Variants in CTNNA2 observed in about 807,000 individuals in gnomAD.
The protein encoded by CTNNA2 is catenin alpha 2.
CTNNA2 carries 42 observed loss-of-function variants against 101.0 expected under a neutral mutation model. The observed-to-expected ratio is 0.42, with a 90% CI of 0.32 to 0.54. The LOEUF is 0.54. CTNNA2 is among the 20% of genes least tolerant of loss of function. CTNNA2 has a pLI of 0.14. For synonymous variants in CTNNA2, 450 were observed against 456.4 expected (o/e 0.99, Z 0.18); for missense variants, 871 against 1,223.1 (o/e 0.71, Z 4.29).
At chr2:79,898,053 T>C (rs1421430850) in intron 6 of CTNNA2, among the ~76,000 whole-genome samples, 1 of 152,226 alleles carries the variant, frequency 6.6e-6, no homozygotes, top group African/African-American at 2.4e-5. Context: ...AGGTGACACA[T>C]GTAAACCATA....
At chr2:79,186,661 C>G (rs1433893960) in intron 1 of CTNNA2, among the ~76,000 whole-genome samples, 1 of 152,210 alleles carries the variant, frequency 6.6e-6, no homozygotes, top group Admixed American at 6.5e-5. Context: ...CTCTGCACCT[C>G]TCCCTGCTTC....
chr2:80,138,350 T>C (rs796684535), intron 7 of CTNNA2, among the ~76,000 whole-genome samples: 9 of 152,318 alleles, frequency 5.9e-5, no homozygotes, highest in African/African-American at 2.2e-4. Context: ...ATGTTGATCT[T>C]AGGCTAGTTA....
At chr2:80,625,971 C>G (rs1671643082) in intron 18 of CTNNA2, among the ~76,000 whole-genome samples, 1 of 151,978 alleles carries the variant, frequency 6.6e-6, no homozygotes, top group African/African-American at 2.4e-5. Flanking sequence ...TAGAAACCTA[C>G]AGAATTTTTT....
At chr2:79,314,034 T>G (rs1676441383) in intron 3 of CTNNA2, among the ~76,000 whole-genome samples, 1 of 152,094 alleles carries the variant, frequency 6.6e-6, no homozygotes, top group African/African-American at 2.4e-5. Context: ...TGGGGCATCC[T>G]TCTGTGCTGT....
At chr2:79,779,314 A>G (rs1020418123) in intron 3 of CTNNA2, among the ~76,000 whole-genome samples, 56 of 152,230 alleles carry the variant, frequency 3.7e-4, no homozygotes, top group Non-Finnish European at 1.2e-4. Context: ...GAGGTTTTGC[A>G]AGGGCTCATC....
rs55934940 is a variant in CTNNA2 at position 79,829,360 on chromosome 2, T to TACACACAC, written c.299-28605_299-28598dup. ...GGTGAAACCCCGTCTCAACTAAAAC[T>TACACACAC]ACACACACACACACACACACACACA... On this transcript the variant is annotated intron_variant, in intron 3 of 18. Transcript: ENST00000402739. 9.5e-3 allele frequency among the ~76,000 whole-genome samples: 1,072 copies of TACACACAC among 113,174 alleles called. 20 individuals are homozygous for TACACACAC. The highest frequency in any genetic ancestry group is 0.013 in the African/African-American group (377 of 28,310). The allele number at this position is 113,174 out of a possible 152,430, so 74.2% of individuals were successfully genotyped here.
At chr2:80,631,373 T>TC (rs1232153616) in intron 18 of CTNNA2, among the ~76,000 whole-genome samples, 1 of 151,946 alleles carries the variant, frequency 6.6e-6, no homozygotes, top group African/African-American at 2.4e-5. Flanking sequence ...TTTTTTTTTT[T>TC]TTTTTTTAGC....
At chr2:79,682,991 G>A (rs1462428865) in intron 2 of CTNNA2, among the ~76,000 whole-genome samples, 2 of 152,174 alleles carry the variant, frequency 1.3e-5, no homozygotes, top group African/African-American at 2.4e-5. Context: ...ATTAAAACAC[G>A]AGTATTAGAC....
At chr2:80,587,343 T>A (rs1273820735) in intron 14 of CTNNA2, among the ~76,000 whole-genome samples, 1 of 152,090 alleles carries the variant, frequency 6.6e-6, no homozygotes, top group African/African-American at 2.4e-5. Flanking sequence ...CCTTTCCCTA[T>A]AGCAACTAAG....
intron 3 of CTNNA2, among the ~76,000 whole-genome samples, chr2:79,332,809 C>T (rs148519835): frequency 6.6e-6 from 1 of 152,216 alleles, no homozygotes; most frequent in African/African-American, 2.4e-5. Context: ...AGTATAGATC[C>T]TGGACTGTGG....
At chr2:80,360,236 A>G (rs540508791) in intron 7 of CTNNA2, among the ~76,000 whole-genome samples, 12 of 152,230 alleles carry the variant, frequency 7.9e-5, no homozygotes, top group African/African-American at 2.9e-4. Flanking sequence ...TTCATTGTGC[A>G]TTGAGCTATT....
rs534918114 is a variant in CTNNA2, at chr2:79,606,004, C to T, written c.-5-45548C>T. Among the ~76,000 whole-genome samples the T allele has an allele frequency of 5.3e-5, 8 of 151,894 alleles. No homozygotes were observed. The East Asian group carries it at 1.6e-3, about 29-fold the overall frequency. Reference sequence around the variant, plus strand: ...ATTTTTAAAATGCTGAAAGAAAAATCAATGTAAACTTTTATACTCAGCAAA... The same window carrying T: ...ATTTTTAAAATGCTGAAAGAAAAATTAATGTAAACTTTTATACTCAGCAAA... On this transcript the variant is annotated intron_variant, in intron 1 of 18. Coordinates refer to ENST00000402739, the MANE Select transcript of CTNNA2 (RefSeq NM_001282597.3).
At chr2:79,581,775 A>G (rs898008047) in intron 1 of CTNNA2, among the ~76,000 whole-genome samples, 1 of 152,224 alleles carries the variant, frequency 6.6e-6, no homozygotes, top group African/African-American at 2.4e-5. Flanking sequence ...TTATGACTAA[A>G]TCATTCTTCT....
At chr2:80,196,823 C>T (rs1213108194) in intron 7 of CTNNA2, among the ~76,000 whole-genome samples, 1 of 152,140 alleles carries the variant, frequency 6.6e-6, no homozygotes, top group Non-Finnish European at 1.5e-5. Flanking sequence ...TTGGATCATG[C>T]AGCATCTCTG....
intron 7 of CTNNA2, among the ~76,000 whole-genome samples, chr2:80,090,419 G>T (rs371043500): frequency 6.6e-5 from 10 of 152,164 alleles, no homozygotes; most frequent in African/African-American, 1.9e-4. Context: ...AGTGAACACA[G>T]GGCTGTCCTG....
At chr2:79,620,469 T>TA (rs775459059) in intron 1 of CTNNA2, among the ~76,000 whole-genome samples, 5 of 152,230 alleles carry the variant, frequency 3.3e-5, no homozygotes, top group Non-Finnish European at 7.3e-5. Flanking sequence ...CTCATACACA[T>TA]ATGTGTCTTT....
chr2:79,233,527 A>G (rs1579563), intron 2 of CTNNA2, among the ~76,000 whole-genome samples: 88,586 of 152,006 alleles, frequency 0.58, 26,122 homozygotes, highest in East Asian at 0.65. Flanking sequence ...TATATATTCC[A>G]TACTTGTTGG....
intron 7 of CTNNA2, among the ~76,000 whole-genome samples, chr2:80,245,948 C>T (rs1671298668): frequency 6.6e-6 from 1 of 151,756 alleles, no homozygotes; most frequent in African/African-American, 2.4e-5. Flanking sequence ...GTGCCCACCA[C>T]CACACCCGGC....
chr2:79,715,652 C>T (rs897827335), intron 2 of CTNNA2, among the ~76,000 whole-genome samples: 1 of 152,034 alleles, frequency 6.6e-6, no homozygotes, highest in African/African-American at 2.4e-5. Flanking sequence ...CCCACAAAAC[C>T]TGAGAAAGGC....
Sources: allele counts gnomAD v4.1 joint callset (sites outside exome capture counted in the v4.1 genomes callset), GRCh38; gene constraint gnomAD v4.1.1; transcripts MANE v1.5; gene names NCBI Gene and HGNC (gene_info 2026-07-23, HGNC 2026-07-21).